The following IKZF3 variants were observed in gnomAD, a reference collection of about 807,000 sequenced individuals.
The protein encoded by IKZF3 is IKAROS family zinc finger 3, also known as zinc finger protein Aiolos.
IKZF3 carries 10 observed loss-of-function variants against 49.0 expected under a neutral mutation model. The ratio of observed to expected loss-of-function variants is 0.20; its 90% CI spans 0.13 to 0.35. IKZF3 has a LOEUF of 0.35. IKZF3 is among the 10% of genes least tolerant of loss of function. IKZF3 has a pLI of 1.00. For missense variants in IKZF3, 498 were observed against 664.8 expected (o/e 0.75, Z 2.76); for synonymous variants, 209 against 228.2 (o/e 0.92, Z 0.76).
intron 3 of IKZF3, among the ~76,000 whole-genome samples, chr17:39,798,120 T>G (rs535367265): frequency 1.3e-5 from 2 of 152,290 alleles, no homozygotes; most frequent in East Asian, 3.9e-4. Flanking sequence ...GTATTTTGCA[T>G]GCCCATTACC....
intron 3 of IKZF3, among the ~76,000 whole-genome samples, chr17:39,813,693 C>T (rs1371000862): frequency 1.3e-5 from 2 of 151,970 alleles, no homozygotes; most frequent in East Asian, 1.9e-4. Flanking sequence ...AGAACTTACC[C>T]GTTTGACACA....
intron 1 of IKZF3, among the ~76,000 whole-genome samples, chr17:39,862,019 C>T (rs1188313146): frequency 3.3e-5 from 5 of 152,046 alleles, no homozygotes; most frequent in Non-Finnish European, 7.4e-5. Flanking sequence ...CATTTCCCGA[C>T]CATAACAGAC....
At chr17:39,809,154 C>T (rs1272724796) in intron 3 of IKZF3, among the ~76,000 whole-genome samples, 1 of 152,146 alleles carries the variant, frequency 6.6e-6, no homozygotes, top group Non-Finnish European at 1.5e-5. Context: ...ATTCAGTTGA[C>T]ATAATTAGCA....
chr17:39,829,593 TA>T, intron 2 of IKZF3, 105 bp from the exon 3 acceptor site: 1 of 716,892 alleles, frequency 1.4e-6, no homozygotes, highest in East Asian at 2.7e-5. Context: ...CACAATCCTT[TA>T]GTGACAGATA....
At chr17:39,777,916 T>C (rs754667164) in intron 6 of IKZF3, 149 bp from the exon 7 acceptor site, 207 of 1,382,136 alleles carry the variant, frequency 1.5e-4, no homozygotes, top group Non-Finnish European at 1.8e-4. Context: ...TTGCCTGGGG[T>C]ACCTGCTGTG....
At chr17:39,828,300 G>A (rs995767793) in intron 3 of IKZF3, among the ~76,000 whole-genome samples, 3 of 152,170 alleles carry the variant, frequency 2.0e-5, no homozygotes, top group Admixed American at 6.5e-5. Context: ...CACTAGTTCC[G>A]TACCTGTGTA....
At chr17:39,822,582 C>CTTTTT (rs536009534) in intron 3 of IKZF3, among the ~76,000 whole-genome samples, 3 of 132,990 alleles carry the variant, frequency 2.3e-5, no homozygotes, top group Non-Finnish European at 4.9e-5. Flanking sequence ...GTATTTCTTT[C>CTTTTT]TTTTTTTTTT....
intron 1 of IKZF3, chr17:39,835,379 G>GGACC (rs1359038527): frequency 6.2e-6 from 3 of 485,182 alleles, no homozygotes; most frequent in African/African-American, 5.9e-5. Context: ...CATCCTTAAT[G>GGACC]GACCGCTCCC....
intron 5 of IKZF3, among the ~76,000 whole-genome samples, chr17:39,789,713 G>A (rs1163795810): frequency 1.3e-5 from 2 of 148,808 alleles, no homozygotes; most frequent in African/African-American, 5.1e-5. Flanking sequence ...GGGTGACAGA[G>A]TGAGACACCA....
intron 3 of IKZF3, among the ~76,000 whole-genome samples, chr17:39,803,508 C>T (rs2061366749): frequency 6.6e-6 from 1 of 151,478 alleles, no homozygotes; most frequent in Non-Finnish European, 1.5e-5. Flanking sequence ...AGAATATTCA[C>T]TCTATCTTTT....
At chr17:39,813,814 G>C (rs2061616832) in intron 3 of IKZF3, among the ~76,000 whole-genome samples, 1 of 152,170 alleles carries the variant, frequency 6.6e-6, no homozygotes, top group Non-Finnish European at 1.5e-5. Context: ...CATCCCATGA[G>C]TGACAGGTCT....
intron 1 of IKZF3, chr17:39,835,874 C>T: frequency 1.6e-6 from 1 of 629,888 alleles, no homozygotes; most frequent in Non-Finnish European, 3.0e-6. Flanking sequence ...CATCCTCGTA[C>T]TTGTTCTTGA....
intron 1 of IKZF3, among the ~76,000 whole-genome samples, chr17:39,840,352 G>A (rs543435213): frequency 2.7e-4 from 41 of 152,242 alleles, no homozygotes; most frequent in African/African-American, 9.6e-4. Context: ...GCTGAAATGG[G>A]GCCTGCCCTT....
intron 6 of IKZF3, among the ~76,000 whole-genome samples, chr17:39,781,486 T>A (rs1321073135): frequency 6.6e-6 from 1 of 152,210 alleles, no homozygotes; most frequent in Non-Finnish European, 1.5e-5. Context: ...AATGTTTACC[T>A]TTTATGCCCA....
intron 1 of IKZF3, among the ~76,000 whole-genome samples, chr17:39,858,978 A>AT (rs750847172): frequency 2.5e-4 from 38 of 151,532 alleles, no homozygotes; most frequent in Non-Finnish European, 4.6e-4. Flanking sequence ...CTTTTATTTT[A>AT]TTATTATTTT....
At chr17:39,849,608 C>G (rs1440594187) in intron 1 of IKZF3, among the ~76,000 whole-genome samples, 1 of 151,994 alleles carries the variant, frequency 6.6e-6, no homozygotes, top group East Asian at 1.9e-4. Flanking sequence ...GCCGAGATTG[C>G]ACCACTGAAC....
At chr17:39,822,650 T>A (rs968191565) in intron 3 of IKZF3, among the ~76,000 whole-genome samples, 2 of 151,280 alleles carry the variant, frequency 1.3e-5, no homozygotes, top group Non-Finnish European at 2.9e-5. Context: ...TGGCGCGATC[T>A]TGGCTCACTG....
intron 3 of IKZF3, among the ~76,000 whole-genome samples, chr17:39,804,448 A>G (rs1442766289): frequency 6.6e-6 from 1 of 150,908 alleles, no homozygotes; most frequent in Admixed American, 6.6e-5. Flanking sequence ...TCTGTCTCAA[A>G]AAAAAAAAAA....
At chr17:39,769,709 C>A (rs1028633679) in intron 7 of IKZF3, among the ~76,000 whole-genome samples, 2 of 152,068 alleles carry the variant, frequency 1.3e-5, no homozygotes, top group Non-Finnish European at 2.9e-5. Context: ...TCCCTAAATA[C>A]CAGGGGTCCT....
Sources: allele counts gnomAD v4.1 joint callset (sites outside exome capture counted in the v4.1 genomes callset), GRCh38; gene constraint gnomAD v4.1.1; transcripts MANE v1.5; gene names NCBI Gene and HGNC (gene_info 2026-07-23, HGNC 2026-07-21).